ZNF318: variants seen among roughly 807,000 people sequenced by gnomAD.
ZNF318 encodes endocrine regulator.
Under a neutral mutation model 124.2 loss-of-function variants are expected in ZNF318, and 51 were observed. The observed-to-expected ratio is 0.41, with a 90% CI of 0.33 to 0.52. The LOEUF is 0.52. Ranked by LOEUF, ZNF318 falls within the 20% of genes least tolerant of loss-of-function variation. ZNF318 has a pLI of 0.23. For missense variants in ZNF318, 2,815 were observed against 2,811.2 expected (o/e 1.00, Z -0.03); for synonymous variants, 1,090 against 1,040.7 (o/e 1.05, Z -0.91).
At chr6:43,354,288 G>A (rs1779573319) in intron 4 of ZNF318, among the ~76,000 whole-genome samples, 1 of 152,100 alleles carries the variant, frequency 6.6e-6, no homozygotes, top group Admixed American at 6.6e-5. Flanking sequence ...AGAATTCACT[G>A]GGATCAAACA....
At chr6:43,345,922 G>A (rs1304023227) in intron 6 of ZNF318, among the ~76,000 whole-genome samples, 1 of 152,030 alleles carries the variant, frequency 6.6e-6, no homozygotes, top group Non-Finnish European at 1.5e-5. Flanking sequence ...CCAGCCTGGG[G>A]ACGGGCGCAG....
chr6:43,349,578 C>A (rs1779499056), intron 5 of ZNF318, among the ~76,000 whole-genome samples: 1 of 151,944 alleles, frequency 6.6e-6, no homozygotes, highest in Non-Finnish European at 1.5e-5. Context: ...GGTGTTAATC[C>A]TCACAGGATA....
intron 6 of ZNF318, among the ~76,000 whole-genome samples, chr6:43,343,722 G>A (rs1265478180): frequency 6.6e-6 from 1 of 151,088 alleles, no homozygotes; most frequent in Admixed American, 6.6e-5. Flanking sequence ...CCAGCTACTC[G>A]GGAGGTTGAG....
At chr6:43,347,250 G>C (rs931638633) in intron 6 of ZNF318, among the ~76,000 whole-genome samples, 2 of 152,216 alleles carry the variant, frequency 1.3e-5, no homozygotes, top group Non-Finnish European at 2.9e-5. Context: ...CAGTCAGCAA[G>C]AAGGAAAGAG....
Position 43,342,803 on chromosome 6 carries a change from T to C in ZNF318, c.3149A>G (p.Gln1050Arg), listed in dbSNP as rs141428687. 3 of 1,614,224 alleles carry C rather than the reference T, an allele frequency of 1.9e-6. No homozygotes were observed. The highest frequency in any genetic ancestry group is 2.5e-6 in the Non-Finnish European group (3 of 1,180,036). The change falls in exon 7 of 10, where the codon CAG becomes CGG. Residue 1050 changes from glutamine to arginine, a missense_variant. Coordinates refer to ENST00000361428, the MANE Select transcript of ZNF318 (RefSeq NM_014345.3). ...PAESPQSATK[Q>R]LDQPTAAYEY... ...ATAAGCAGCAGTGGGCTGATCCAAC[T>C]GCTTAGTGGCTGACTGGGGGCTTTC...
At chr6:43,368,617 G>A (rs1779792314) in intron 1 of ZNF318, 2 of 963,726 alleles carry the variant, frequency 2.1e-6, no homozygotes, top group Non-Finnish European at 2.5e-6. Flanking sequence ...TGAAAAGTAC[G>A]GAACCCCGAG....
At chr6:43,359,352 C>T (rs1223913537) in intron 2 of ZNF318, among the ~76,000 whole-genome samples, 1 of 152,202 alleles carries the variant, frequency 6.6e-6, no homozygotes. Context: ...ATTCTTTTAG[C>T]TGAGAATTCT....
At position 43,337,772 on chromosome 6, in the gene ZNF318, G is replaced by A. The variant is rs1282342705; in HGVS notation, c.6226C>T (p.Pro2076Ser). The A allele has an allele frequency of 1.2e-6, 2 of 1,614,072 alleles. No individual in the cohort carries two copies. The highest frequency in any genetic ancestry group is 1.3e-5 in the African/African-American group (1 of 74,920). ...TCAAAGTCAAGCACCAAGGTTTTGG[G>A]AGAATCTAACGGAAACCCAGAAAAA... is the stretch of plus-strand genomic sequence containing the variant. ...PSFSGFPLDS[P>S]KTLVLDFETE... The change falls in exon 10 of 10, where the codon CCC becomes TCC. Residue 2076 changes from proline (P) to serine (S), a missense_variant. By Grantham distance (74) the Pro-to-Ser change is moderately conservative (BLOSUM62 -1). This residue lies in a region of ZNF318 where 927 missense variants were observed against 820.6 expected (regional missense o/e 1.13). Transcript: ENST00000361428.
chr6:43,355,135 C>T lies in ZNF318; in HGVS notation c.2199G>A (p.Gln733=). ...ACATGCACCTGACTGCAACAGATGA[C>T]TGAAACCCACTACCAACCACCTCTG... ...SGPEVVGSGF[Q]SSVAVRCMLP... The change falls in exon 4 of 10, where the codon CAG becomes CAA. Residue 733 remains glutamine, a synonymous_variant. Coordinates refer to ENST00000361428, the MANE Select transcript of ZNF318 (RefSeq NM_014345.3). 1.9e-6 allele frequency: 3 copies of T among 1,614,190 alleles called. No individual in the cohort carries two copies. Among genetic ancestry groups the T allele is most frequent in the Non-Finnish European group, 2.5e-6 (3 of 1,180,044 alleles).
chr6:43,359,903 A>T (rs1361458547), intron 2 of ZNF318, among the ~76,000 whole-genome samples: 1 of 152,232 alleles, frequency 6.6e-6, no homozygotes, highest in African/African-American at 2.4e-5. Context: ...TAAACCAAGG[A>T]TGATTTCTGA....
At chr6:43,346,019 A>C (rs1044199021) in intron 6 of ZNF318, among the ~76,000 whole-genome samples, 1 of 151,918 alleles carries the variant, frequency 6.6e-6, no homozygotes, top group African/African-American at 2.4e-5. Flanking sequence ...CCTGGCCAAC[A>C]TGGTGAAACC....
rs147547267 is a variant in ZNF318 at position 43,339,592 on chromosome 6, G to A, written c.4406C>T (p.Ala1469Val). The A allele has an allele frequency of 1.2e-6, 2 of 1,612,762 alleles. No homozygotes were observed. Among genetic ancestry groups the A allele is most frequent in the African/African-American group, 2.7e-5 (2 of 74,486 alleles). Residue 1469 changes from alanine (A) to valine (V), a missense_variant, in exon 10 of 10, where the codon GCA becomes GTA. Ala to Val is a moderately conservative substitution (Grantham distance 64). Transcript: ENST00000361428. The surrounding 1 kb of genome is among the most constrained non-coding windows in gnomAD (Gnocchi z 4.2). ...TTTTACTGGAGCCAAGATAGCATTT[G>A]CTTGAGCAGCAGACGGGGCAGCTGG... The part of the protein sequence containing the change: ...PHPAAPSAAQ[A>V]NAILAPVKSN...
intron 4 of ZNF318, 129 bp downstream of exon 4, chr6:43,354,535 G>A: frequency 1.3e-6 from 1 of 789,752 alleles, no homozygotes; most frequent in Non-Finnish European, 2.0e-6. Flanking sequence ...TTCTTAGGAT[G>A]ATGACAGCAG....
At chr6:43,347,507 T>C (rs1287839257) in intron 6 of ZNF318, among the ~76,000 whole-genome samples, 2 of 152,208 alleles carry the variant, frequency 1.3e-5, no homozygotes, top group Admixed American at 6.5e-5. Context: ...TTTTAAGTTG[T>C]TGGCATGAAA....
chr6:43,349,624 C>T (rs1373470193), intron 5 of ZNF318, among the ~76,000 whole-genome samples: 1 of 152,106 alleles, frequency 6.6e-6, no homozygotes, highest in Non-Finnish European at 1.5e-5. Context: ...CAGTCCAAAC[C>T]CAGACAGAAG....
At position 43,340,481 on chromosome 6, in the gene ZNF318, A is replaced by G; in HGVS notation, c.3517T>C (p.Leu1173=). The change falls in exon 10 of 10, where the codon TTA becomes CTA. Residue 1173 remains leucine, a synonymous_variant. Transcript: ENST00000361428. ...TCCAGATTCCGCCGCTCCTCATATAATGGGTTTTCATCCACATATTTCTGG... is the reference window on the plus strand; with the variant it reads ...TCCAGATTCCGCCGCTCCTCATATAGTGGGTTTTCATCCACATATTTCTGG... ...KYKKYVDENP[L]YEERRNLDRQ... is the part of the protein sequence containing the mutation. 1.2e-6 allele frequency: 2 copies of G among 1,603,192 alleles called. No homozygotes were observed. The highest frequency in any genetic ancestry group is 1.1e-5 in the South Asian group (1 of 88,424).
chr6:43,344,167 C>T (rs1479873174), intron 6 of ZNF318, among the ~76,000 whole-genome samples: 1 of 152,134 alleles, frequency 6.6e-6, no homozygotes, highest in Non-Finnish European at 1.5e-5. Context: ...ATACTCTTTC[C>T]CTACCTGAGT....
intron 5 of ZNF318, among the ~76,000 whole-genome samples, chr6:43,351,788 T>C (rs1196689060): frequency 1.3e-5 from 2 of 150,860 alleles, no homozygotes; most frequent in Non-Finnish European, 3.0e-5. Flanking sequence ...CAGGAAAAAT[T>C]ACACACACAC....
chr6:43,361,838 C>A (rs1323063029), intron 2 of ZNF318, among the ~76,000 whole-genome samples: 1 of 152,118 alleles, frequency 6.6e-6, no homozygotes, highest in Non-Finnish European at 1.5e-5. Context: ...AAGAGAAAGA[C>A]TACTAGAGTC....
Sources: allele counts gnomAD v4.1 joint callset (sites outside exome capture counted in the v4.1 genomes callset), GRCh38; gene constraint gnomAD v4.1.1; regional missense constraint gnomAD v4.1.1; non-coding constraint Gnocchi (gnomAD v3.1); transcripts MANE v1.5; gene names NCBI Gene and HGNC (gene_info 2026-07-23, HGNC 2026-07-21).